The following STK33 variants were observed in gnomAD, a reference collection of about 807,000 sequenced individuals.
STK33 encodes serine/threonine-protein kinase 33.
In STK33, 52 loss-of-function variants were observed where a neutral mutation model predicts 58.0. The observed-to-expected ratio is 0.90, with a 90% CI of 0.72 to 1.13. The LOEUF (loss-of-function observed/expected upper bound fraction) is 1.13. Ranked by LOEUF, STK33 falls within the 50% of genes most tolerant of loss-of-function variation. STK33 has a pLI of 0.00. For missense variants in STK33, 630 were observed against 604.2 expected (o/e 1.04, Z -0.45); for synonymous variants, 215 against 200.1 (o/e 1.07, Z -0.63).
chr11:8,423,476 G>A (rs542077497), intron 14 of STK33, among the ~76,000 whole-genome samples: 64 of 151,902 alleles, frequency 4.2e-4, no homozygotes, highest in African/African-American at 1.5e-3. Context: ...TCTTATTGGG[G>A]TTTATTCTTT....
Position 8,571,893 on chromosome 11 carries a change from T to A in STK33, c.-466+22190A>T, listed in dbSNP as rs537853164. ...GTATTTTACCACAATAAAAAAAAAA[T>A]TTTAAAAAAATTTAAATTAAAATTA... is the stretch of plus-strand genomic sequence containing the variant. On this transcript the variant is annotated intron_variant, in intron 1 of 15. Transcript: ENST00000687296. 0.015 allele frequency among the ~76,000 whole-genome samples: 144 copies of A among 9,418 alleles called. 3 individuals are homozygous for A. The East Asian group carries it at 0.15, about 10-fold the overall frequency. The allele number at this position is 9,418 out of a possible 152,430, so 6.2% of individuals were successfully genotyped here.
chr11:8,364,166 G>A, the STK33 span, among the ~76,000 whole-genome samples: 3 of 152,262 alleles, frequency 2.0e-5, no homozygotes, highest in South Asian at 2.1e-4. Context: ...CAATACGTTC[G>A]TCTTCACTAA....
intron 15 of STK33, among the ~76,000 whole-genome samples, chr11:8,396,669 T>C (rs1185166458): frequency 2.0e-5 from 3 of 152,148 alleles, no homozygotes; most frequent in South Asian, 2.1e-4. Context: ...TGAGGCATCA[T>C]CTCACCCGGG....
chr11:8,399,719 T>G (rs1169991027), intron 15 of STK33, among the ~76,000 whole-genome samples: 5 of 151,968 alleles, frequency 3.3e-5, no homozygotes, highest in Non-Finnish European at 7.4e-5. Flanking sequence ...GATAGACCAC[T>G]AGCAAGACTA....
At chr11:8,379,549 C>T in the STK33 span, among the ~76,000 whole-genome samples, 3 of 152,206 alleles carry the variant, frequency 2.0e-5, no homozygotes, top group South Asian at 2.1e-4. Context: ...AAATGCTCAA[C>T]ATCACTAATC....
intron 15 of STK33, among the ~76,000 whole-genome samples, chr11:8,412,118 A>G (rs912756903): frequency 7.2e-5 from 11 of 152,162 alleles, no homozygotes; most frequent in African/African-American, 2.7e-4. Context: ...GTATATGTAG[A>G]TGTATGTATG....
intron 8 of STK33, among the ~76,000 whole-genome samples, chr11:8,459,840 T>C (rs939452969): frequency 2.0e-5 from 3 of 152,030 alleles, no homozygotes; most frequent in Non-Finnish European, 4.4e-5. Context: ...CAGGAGAGCA[T>C]GAATCAACAC....
At chr11:8,410,469 T>C (rs1166721682) in intron 15 of STK33, among the ~76,000 whole-genome samples, 3 of 111,632 alleles carry the variant, frequency 2.7e-5, no homozygotes, top group African/African-American at 4.0e-5. Flanking sequence ...TCTTTTCTTT[T>C]CTTTTTTTTT....
chr11:8,568,306 T>C (rs913962091), intron 1 of STK33, among the ~76,000 whole-genome samples: 1 of 152,150 alleles, frequency 6.6e-6, no homozygotes, highest in Admixed American at 6.5e-5. Context: ...GGCATAAAAG[T>C]TCCTCCAAAG....
chr11:8,544,566 A>C (rs1955773071), intron 1 of STK33, among the ~76,000 whole-genome samples: 2 of 151,774 alleles, frequency 1.3e-5, no homozygotes, highest in African/African-American at 4.8e-5. Flanking sequence ...CTATATATTC[A>C]AAGAAATAGA....
At chr11:8,378,284 C>A in the STK33 span, among the ~76,000 whole-genome samples, 2 of 152,268 alleles carry the variant, frequency 1.3e-5, no homozygotes, top group South Asian at 4.1e-4. Flanking sequence ...TTCGGGAGGC[C>A]GAGGTGGGTG....
rs553269326 is a variant in STK33 at position 8,586,035 on chromosome 11, A to G, written c.-466+8048T>C. On this transcript the variant is annotated intron_variant, in intron 1 of 15. Coordinates refer to ENST00000687296, the MANE Select transcript of STK33 (RefSeq NM_001352389.2). Reference sequence around the variant, plus strand: ...GCCACTGTACTCCAGCCTGGGCAACAAGAGCAAAACTCCATCTCAAAAAAC... The same window carrying G: ...GCCACTGTACTCCAGCCTGGGCAACGAGAGCAAAACTCCATCTCAAAAAAC... 2.0e-5 allele frequency among the ~76,000 whole-genome samples: 3 copies of G among 152,004 alleles called. No individual in the cohort carries two copies. The East Asian group carries it at 5.8e-4, about 30-fold the overall frequency.
At chr11:8,336,279 A>G in the STK33 span, among the ~76,000 whole-genome samples, 1,283 of 152,374 alleles carry the variant, frequency 8.4e-3, 20 homozygotes, top group African/African-American at 0.029. Flanking sequence ...CGTGCCAGGC[A>G]CCAGGCTGTG....
chr11:8,438,839 A>C (rs570508194), intron 12 of STK33, among the ~76,000 whole-genome samples: 1 of 152,294 alleles, frequency 6.6e-6, no homozygotes, highest in South Asian at 2.1e-4. Context: ...TAAGGCTCAG[A>C]ATTTTTGCAC....
chr11:8,443,237 C>T (rs960242120), intron 11 of STK33, among the ~76,000 whole-genome samples: 14 of 152,130 alleles, frequency 9.2e-5, no homozygotes, highest in Non-Finnish European at 1.8e-4. Flanking sequence ...ATCTGAATCA[C>T]AAAAATATCA....
intron 1 of STK33, among the ~76,000 whole-genome samples, chr11:8,491,836 A>G (rs1393767169): frequency 6.6e-6 from 1 of 152,232 alleles, no homozygotes; most frequent in East Asian, 1.9e-4. Context: ...TTTCATATCC[A>G]GCCAACTAAG....
intron 1 of STK33, among the ~76,000 whole-genome samples, chr11:8,576,686 A>G (rs11041995): frequency 0.48 from 72,938 of 151,962 alleles, 17,588 homozygotes; most frequent in South Asian, 0.64. Flanking sequence ...CCATAAGATA[A>G]GTTCTACTAC....
At chr11:8,364,017 C>T in the STK33 span, among the ~76,000 whole-genome samples, 1 of 152,222 alleles carries the variant, frequency 6.6e-6, no homozygotes, top group South Asian at 2.1e-4. Flanking sequence ...TTTGGATCTG[C>T]TTCCAACATT....
At chr11:8,402,966 G>C (rs1244153360) in intron 15 of STK33, among the ~76,000 whole-genome samples, 1 of 152,172 alleles carries the variant, frequency 6.6e-6, no homozygotes, top group Non-Finnish European at 1.5e-5. Context: ...TAATAGAACA[G>C]AGAAATGAAA....
Sources: allele counts gnomAD v4.1 joint callset (sites outside exome capture counted in the v4.1 genomes callset), GRCh38; gene constraint gnomAD v4.1.1; transcripts MANE v1.5; gene names NCBI Gene and HGNC (gene_info 2026-07-23, HGNC 2026-07-21).